The following BPNT1 variants were observed in gnomAD, a reference collection of about 807,000 sequenced individuals.
BPNT1 encodes 3'(2'), 5'-bisphosphate nucleotidase 1, also known as 3'(2'),5'-bisphosphate nucleotidase 1.
Under a neutral mutation model 36.9 loss-of-function variants are expected in BPNT1, and 28 were observed. That is an observed-to-expected ratio of 0.76 (90% CI 0.56 to 1.04). BPNT1 has a LOEUF of 1.04. Among genes scored for constraint, BPNT1 ranks in the 50% least tolerant of loss-of-function variants. The pLI is 0.00. For missense variants in BPNT1, 313 were observed against 372.9 expected (o/e 0.84, Z 1.32); for synonymous variants, 119 against 130.9 (o/e 0.91, Z 0.62).
At chr1:220,076,887 C>A (rs923731764) in intron 2 of BPNT1, among the ~76,000 whole-genome samples, 18 of 151,954 alleles carry the variant, frequency 1.2e-4, no homozygotes, top group African/African-American at 4.1e-4. Flanking sequence ...CCTGTTATAT[C>A]CTGTTGGATT....
Position 220,062,964 on chromosome 1 carries a change from C to T in BPNT1, c.475-10G>A, listed in dbSNP as rs750858898. The T allele has an allele frequency of 6.8e-6, 11 of 1,613,696 alleles. No homozygotes were observed. Among genetic ancestry groups the T allele is most frequent in the South Asian group, 5.5e-5 (5 of 91,066 alleles). On this transcript the variant is annotated splice_polypyrimidine_tract_variant and intron_variant, in intron 6 of 8. Coordinates refer to ENST00000322067, the MANE Select transcript of BPNT1 (RefSeq NM_006085.6). Reference sequence around the variant, plus strand: ...CAGCATCTGGTCCTGCCTGTGTAAACGAGTGAAACAACAAGACTTGTGGTT... The same window carrying T: ...CAGCATCTGGTCCTGCCTGTGTAAATGAGTGAAACAACAAGACTTGTGGTT...
Position 220,079,249 on chromosome 1 carries a change from T to A in BPNT1, c.120+478A>T, listed in dbSNP as rs1040420667. On this transcript the variant is annotated intron_variant, in intron 2 of 8. Coordinates refer to ENST00000322067, the MANE Select transcript of BPNT1 (RefSeq NM_006085.6). ...GATCTTGGACGTAGAAAGTCTGGAG[T>A]CTTTTTTTTTTTTCTTTTTTTGAGA... is the stretch of plus-strand genomic sequence containing the variant. Among the ~76,000 whole-genome samples the A allele has an allele frequency of 4.0e-5, 6 of 151,320 alleles. No individual in the cohort carries two copies. In the South Asian group the frequency reaches 1.3e-3, roughly 32 times the overall value.
intron 1 of BPNT1, among the ~76,000 whole-genome samples, chr1:220,088,199 G>A (rs1655924488): frequency 6.6e-6 from 1 of 151,322 alleles, no homozygotes; most frequent in Non-Finnish European, 1.5e-5. Context: ...GATTGGCATA[G>A]AAAAGAAAAT....
intron 6 of BPNT1, among the ~76,000 whole-genome samples, chr1:220,063,322 T>C (rs1663236534): frequency 6.6e-6 from 1 of 152,180 alleles, no homozygotes; most frequent in South Asian, 2.1e-4. Context: ...CACTCCAGTC[T>C]GGGCGACAGG....
chr1:220,088,670 G>C (rs1019677379), intron 1 of BPNT1, among the ~76,000 whole-genome samples: 1 of 151,100 alleles, frequency 6.6e-6, no homozygotes, highest in Non-Finnish European at 1.5e-5. Context: ...CATGCCTGTA[G>C]TCCCAGCTGC....
intron 2 of BPNT1, among the ~76,000 whole-genome samples, chr1:220,075,540 G>T (rs1664468447): frequency 1.3e-5 from 2 of 152,088 alleles, no homozygotes; most frequent in Admixed American, 1.3e-4. Flanking sequence ...AGTATCTTTT[G>T]AATGAACCTA....
At chr1:220,086,127 A>T (rs1469148689) in intron 1 of BPNT1, among the ~76,000 whole-genome samples, 3 of 152,212 alleles carry the variant, frequency 2.0e-5, no homozygotes, top group Admixed American at 2.0e-4. Flanking sequence ...TGATTTAATC[A>T]ACATATGATA....
At chr1:220,079,658 T>G (rs762438757) in intron 2 of BPNT1, 69 bp downstream of exon 2, 4 of 1,588,840 alleles carry the variant, frequency 2.5e-6, no homozygotes, top group Non-Finnish European at 3.4e-6. Context: ...GTCCACATTT[T>G]TATATCATTT....
chr1:220,088,457 T>G (rs1326036937), intron 1 of BPNT1, among the ~76,000 whole-genome samples: 1 of 125,602 alleles, frequency 8.0e-6, no homozygotes, highest in African/African-American at 3.1e-5. Flanking sequence ...CAGTCCAGCC[T>G]GGGCGACAGA....
At position 220,074,723 on chromosome 1, in the gene BPNT1, T is replaced by C. The variant is rs754718858; in HGVS notation, c.121-652A>G. Among the ~76,000 whole-genome samples, 81 of 151,896 alleles carry C rather than the reference T, an allele frequency of 5.3e-4. No individual in the cohort carries two copies. In the Middle Eastern group the frequency reaches 0.01, roughly 19 times the overall value. The stretch of plus-strand genomic sequence containing the variant: ...GTTGGCCAGGATGGTCTTGATCTCC[T>C]GATCTTGTGATCCACCCGCCTTGAC... On this transcript the variant is annotated intron_variant, in intron 2 of 8. Transcript: ENST00000322067.
intron 4 of BPNT1, among the ~76,000 whole-genome samples, chr1:220,071,284 A>G (rs1466428364): frequency 6.6e-6 from 1 of 152,144 alleles, no homozygotes; most frequent in Admixed American, 6.5e-5. Context: ...TATGGTGGCT[A>G]TCTGAAGTCA....
intron 2 of BPNT1, among the ~76,000 whole-genome samples, chr1:220,078,892 G>C (rs909628055): frequency 3.9e-5 from 6 of 152,056 alleles, no homozygotes; most frequent in African/African-American, 1.2e-4. Context: ...ACCGCACCCG[G>C]TCAGAAGATT....
rs759194137 is a variant in BPNT1 at position 220,074,049 on chromosome 1, G to A, written c.143C>T (p.Thr48Ile). Residue 48 changes from threonine to isoleucine, a missense_variant, in exon 3 of 9, where the codon ACC becomes ATC. Transcript: ENST00000322067. The stretch of plus-strand genomic sequence containing the variant: ...CATCTGTGCCAATCGGTCAGCTTTG[G>A]TCTGCAGGTCTGTTGCACAGGTCTG... ...VEKTCATDLQ[T>I]KADRLAQMSI... 3 of 1,613,944 alleles carry A rather than the reference G, an allele frequency of 1.9e-6. No individual in the cohort carries two copies. The highest frequency in any genetic ancestry group is 2.5e-6 in the Non-Finnish European group (3 of 1,179,980).
intron 4 of BPNT1, among the ~76,000 whole-genome samples, chr1:220,071,921 A>T (rs888082877): frequency 4.0e-5 from 6 of 151,886 alleles, no homozygotes; most frequent in African/African-American, 1.2e-4. Context: ...TCTCGACCTC[A>T]GGTGATCTGC....
intron 3 of BPNT1, among the ~76,000 whole-genome samples, chr1:220,073,604 T>A (rs1664277012): frequency 6.6e-6 from 1 of 152,150 alleles, no homozygotes; most frequent in South Asian, 2.1e-4. Flanking sequence ...ATTCCCTCAT[T>A]TTCAAAGTGT....
chr1:220,058,780 C>A lies in BPNT1; in HGVS notation c.*64G>T. The stretch of plus-strand genomic sequence containing the variant: ...CTGAGCTCAAGTGATCCACCTGCCT[C>A]GGCCTCCCAAAGTGCTGGGATTACA... On this transcript the variant is annotated 3_prime_UTR_variant, in exon 9 of 9. Coordinates refer to ENST00000322067, the MANE Select transcript of BPNT1 (RefSeq NM_006085.6). 2.0e-6 allele frequency: 3 copies of A among 1,483,682 alleles called. No individual in the cohort carries two copies. The highest frequency in any genetic ancestry group is 2.8e-6 in the Non-Finnish European group (3 of 1,070,842). 91.9% of individuals were successfully genotyped at this position (1,483,682 alleles called of 1,614,324 possible). A position where few individuals can be genotyped will look rare whatever the true frequency, so the allele number is the denominator to read the frequency against.
At position 220,062,926 on chromosome 1, in the gene BPNT1, G is replaced by T; in HGVS notation, c.503C>A (p.Thr168Lys). 3.1e-6 allele frequency: 5 copies of T among 1,614,080 alleles called. No homozygotes were observed. The highest frequency in any genetic ancestry group is 3.4e-6 in the Non-Finnish European group (4 of 1,180,022). The change falls in exon 7 of 9, where the codon ACA (threonine) becomes AAA (lysine). Residue 168 changes from threonine (T) to lysine (K), a missense_variant. Physicochemically the swap from Thr to Lys is moderately conservative, Grantham distance 78. Transcript: ENST00000322067. The stretch of plus-strand genomic sequence containing the variant: ...GCCTAAACCTAAAACTCCCCAGATT[G>T]TCCTCCCCAACACAGCATCTGGTCC... ...EAGPDAVLGR[T>K]IWGVLGLGAF... is the part of the protein sequence containing the mutation.
intron 1 of BPNT1, among the ~76,000 whole-genome samples, chr1:220,083,107 T>G (rs1213711504): frequency 6.6e-6 from 1 of 150,788 alleles, no homozygotes; most frequent in Non-Finnish European, 1.5e-5. Context: ...CGTGGTGGCA[T>G]GCACCTGTAA....
Position 220,067,304 on chromosome 1 carries a change from C to G in BPNT1, c.472G>C (p.Glu158Gln). Residue 158 changes from glutamate to glutamine, a missense_variant and splice_region_variant, in exon 6 of 9, where the codon GAG becomes CAG. Coordinates refer to ENST00000322067, the MANE Select transcript of BPNT1 (RefSeq NM_006085.6). ...GVINQPYYNY[E>Q]AGPDAVLGRT... The stretch of plus-strand genomic sequence containing the variant: ...CTTTGTATCATTTATAGTAATACCT[C>G]ATAGTTGTAATATGGCTGGTTAATA... The G allele has an allele frequency of 6.3e-7, 1 of 1,577,988 alleles. No individual in the cohort carries two copies. Among genetic ancestry groups the G allele is most frequent in the Non-Finnish European group, 8.7e-7 (1 of 1,149,838 alleles).
Sources: gnomAD v4.1 joint callset for allele counts (sites outside exome capture counted in the v4.1 genomes callset) on GRCh38, gnomAD v4.1.1 for gene constraint, MANE v1.5 for transcripts, NCBI Gene and HGNC (gene_info 2026-07-23, HGNC 2026-07-21) for gene names.